The following THADA variants were observed in gnomAD, a reference collection of about 807,000 sequenced individuals.
THADA encodes tRNA (32-2'-O)-methyltransferase regulator THADA.
A neutral mutation model predicts 219.8 loss-of-function variants in THADA; 213 were observed. The observed-to-expected ratio is 0.97, with a 90% confidence interval of 0.87 to 1.09. The LOEUF is 1.09. Among genes scored for constraint, THADA ranks in the 50% least tolerant of loss-of-function variants. The probability of loss-of-function intolerance (pLI) is 0.00; values close to 1 mark genes in which losing one functional copy is unlikely to be tolerated. For synonymous variants in THADA, 1,018 were observed against 828.9 expected (o/e 1.23, Z -3.92); for missense variants, 2,956 against 2,311.3 (o/e 1.28, Z -5.72).
chr2:43,563,497 T>A (rs189460288), intron 15 of THADA: 15 of 152,342 alleles, frequency 9.8e-5, no homozygotes, highest in African/African-American at 2.9e-4. Flanking sequence ...TGTACTAATA[T>A]ACACAAATTC....
chr2:43,539,349 C>A (rs1333913422), intron 21 of THADA, among the ~76,000 whole-genome samples: 1 of 152,196 alleles, frequency 6.6e-6, no homozygotes, highest in African/African-American at 2.4e-5. Context: ...ATATTTTTAA[C>A]TCTTAAAGGT....
chr2:43,421,272 G>C (rs909994917), intron 28 of THADA, among the ~76,000 whole-genome samples: 2 of 152,182 alleles, frequency 1.3e-5, no homozygotes, highest in Admixed American at 1.3e-4. Flanking sequence ...AGAATTATGG[G>C]ATAGCAGAAC....
intron 26 of THADA, among the ~76,000 whole-genome samples, chr2:43,473,026 G>C (rs1324128801): frequency 2.0e-5 from 3 of 152,156 alleles, no homozygotes; most frequent in African/African-American, 4.8e-5. Context: ...TGAAGGCCTA[G>C]AACACTGCTG....
At chr2:43,403,557 C>T in intron 28 of THADA, among the ~76,000 whole-genome samples, 1 of 152,128 alleles carries the variant, frequency 6.6e-6, no homozygotes, top group East Asian at 1.9e-4. Context: ...CTCCAAATGG[C>T]TTCAGGATCC....
At chr2:43,299,171 A>G (rs1675952554) in intron 31 of THADA, among the ~76,000 whole-genome samples, 1 of 148,594 alleles carries the variant, frequency 6.7e-6, no homozygotes, top group East Asian at 1.9e-4. Context: ...CTCATTATAT[A>G]TGCAAATATT....
At chr2:43,583,232 C>A (rs1700648141) in intron 7 of THADA, among the ~76,000 whole-genome samples, 1 of 152,182 alleles carries the variant, frequency 6.6e-6, no homozygotes, top group Non-Finnish European at 1.5e-5. Flanking sequence ...GCTGTACCTG[C>A]TGCATCTTTA....
intron 36 of THADA, among the ~76,000 whole-genome samples, chr2:43,245,602 A>C (rs908672195): frequency 6.6e-6 from 1 of 152,088 alleles, no homozygotes; most frequent in African/African-American, 2.4e-5. Flanking sequence ...TCCCACCCTC[A>C]ACCCTCTGAG....
Position 43,556,196 on chromosome 2 carries a change from T to C in THADA, c.2674+149A>G, listed in dbSNP as rs188537464. The C allele has an allele frequency of 5.7e-5, 81 of 1,424,942 alleles. No homozygotes were observed. In the African/African-American group the frequency reaches 1.1e-3, roughly 19 times the overall value. 88.3% of individuals were successfully genotyped at this position (1,424,942 alleles called of 1,614,324 possible). On this transcript the variant is annotated intron_variant, in intron 17 of 37. Transcript: ENST00000405975. ...TATTATAGCTGACTAAAATGTTCAT[T>C]TGCATAATGAGAACCCATGGTGCTC...
At chr2:43,495,274 G>C (rs1200867437) in intron 25 of THADA, among the ~76,000 whole-genome samples, 1 of 151,992 alleles carries the variant, frequency 6.6e-6, no homozygotes, top group Non-Finnish European at 1.5e-5. Context: ...GATCATTATA[G>C]CTATGATATT....
intron 29 of THADA, among the ~76,000 whole-genome samples, chr2:43,374,067 CAATTTTGG>C (rs1255920673): frequency 6.6e-6 from 1 of 152,088 alleles, no homozygotes; most frequent in Non-Finnish European, 1.5e-5. Flanking sequence ...TGTTGCACAT[CAATTTTGG>C]AATTTTGGAA....
chr2:43,382,588 CA>C (rs1353005029), intron 29 of THADA, among the ~76,000 whole-genome samples: 1 of 152,054 alleles, frequency 6.6e-6, no homozygotes, highest in African/African-American at 2.4e-5. Flanking sequence ...GAATTTAAGC[CA>C]AAAGGCATTA....
At chr2:43,376,912 C>T (rs968949665) in intron 29 of THADA, among the ~76,000 whole-genome samples, 2 of 152,182 alleles carry the variant, frequency 1.3e-5, no homozygotes, top group African/African-American at 4.8e-5. Context: ...GTGTCAGACA[C>T]TGGGAGTTTT....
At chr2:43,390,343 C>G (rs1053314862) in intron 29 of THADA, among the ~76,000 whole-genome samples, 3 of 152,180 alleles carry the variant, frequency 2.0e-5, no homozygotes, top group African/African-American at 7.2e-5. Flanking sequence ...TCTGTTGGCA[C>G]TTTCCTATGG....
chr2:43,261,793 T>A lies in THADA; in HGVS notation c.5296+17972A>T, dbSNP rs146322666. On this transcript the variant is annotated intron_variant, in intron 36 of 37. Coordinates refer to ENST00000405975, the MANE Select transcript of THADA (RefSeq NM_022065.5). ...CTGAGATTACAGGCGCATGCCACCA[T>A]GCCCAGCTAATTTCTGTATTTTTAG... Among the ~76,000 whole-genome samples the A allele has an allele frequency of 7.8e-4, 119 of 152,286 alleles. 1 individual carries two copies. The East Asian group carries it at 0.02, about 25-fold the overall frequency.
At chr2:43,531,337 A>G (rs1467819730) in intron 21 of THADA, among the ~76,000 whole-genome samples, 1 of 152,252 alleles carries the variant, frequency 6.6e-6, no homozygotes, top group Non-Finnish European at 1.5e-5. Context: ...CCAACACTAA[A>G]TAAGTGCGTG....
At chr2:43,380,513 A>G (rs1671876322) in intron 29 of THADA, among the ~76,000 whole-genome samples, 1 of 152,236 alleles carries the variant, frequency 6.6e-6, no homozygotes, top group South Asian at 2.1e-4. Flanking sequence ...GTAGAGTCAA[A>G]GACGTCAGTA....
At chr2:43,433,149 G>A (rs576896412) in intron 26 of THADA, among the ~76,000 whole-genome samples, 18 of 152,208 alleles carry the variant, frequency 1.2e-4, no homozygotes, top group African/African-American at 4.1e-4. Context: ...GTGTGAGATA[G>A]AGGTCAAGGT....
intron 36 of THADA, among the ~76,000 whole-genome samples, chr2:43,279,311 G>A (rs1014265907): frequency 6.6e-6 from 1 of 152,010 alleles, no homozygotes; most frequent in African/African-American, 2.4e-5. Flanking sequence ...GAAACTTAAC[G>A]TACACATAAT....
At chr2:43,336,340 C>T (rs552287294) in intron 30 of THADA, among the ~76,000 whole-genome samples, 9 of 151,964 alleles carry the variant, frequency 5.9e-5, no homozygotes, top group Admixed American at 1.3e-4. Context: ...GGCGCGATCT[C>T]GGCTCACCGT....
Sources: allele counts gnomAD v4.1 joint callset (sites outside exome capture counted in the v4.1 genomes callset), GRCh38; gene constraint gnomAD v4.1.1; transcripts MANE v1.5; gene names NCBI Gene and HGNC (gene_info 2026-07-23, HGNC 2026-07-21).